SMC4: variants seen among roughly 807,000 people sequenced by gnomAD.
The protein encoded by SMC4 is structural maintenance of chromosomes 4, also known as structural maintenance of chromosomes protein 4.
A neutral mutation model predicts 145.6 loss-of-function variants in SMC4; 87 were observed. The ratio of observed to expected loss-of-function variants is 0.60; its 90% CI spans 0.50 to 0.71. SMC4 has a LOEUF of 0.71. SMC4 is among the 30% of genes least tolerant of loss of function. The probability of loss-of-function intolerance (pLI) is 0.00; values close to 1 mark genes in which losing one functional copy is unlikely to be tolerated. For missense variants in SMC4, 1,447 were observed against 1,537.1 expected, an observed-to-expected ratio of 0.94 and a Z score of 0.98; for synonymous variants, 558 against 500.7, an observed-to-expected ratio of 1.11 and a Z score of -1.53.
At chr3:160,433,367 T>C (rs1484087444) in intron 23 of SMC4, 158 bp downstream of exon 23, 4 of 562,654 alleles carry the variant, frequency 7.1e-6, no homozygotes, top group Non-Finnish European at 1.2e-5. Flanking sequence ...AATTATTTTT[T>C]ATTTGAACCA....
At position 160,409,324 on chromosome 3, in the gene SMC4, C is replaced by G. The variant is rs1311645658; in HGVS notation, c.688-2596C>G. ...ATGTTATACAGGAGTTGAGATGTAA[C>G]TATTTTGCTTTGTAAATATCCTGCC... On this transcript the variant is annotated intron_variant, in intron 5 of 23. Coordinates refer to ENST00000357388, the MANE Select transcript of SMC4 (RefSeq NM_001002800.3). Among the ~76,000 whole-genome samples the G allele has an allele frequency of 7.2e-5, 9 of 124,898 alleles. No homozygotes were observed. The East Asian group carries it at 2.4e-3, about 33-fold the overall frequency. The allele number at this position is 124,898 out of a possible 152,430, so 81.9% of individuals were successfully genotyped here.
At chr3:160,416,097 C>T (rs1042415232) in intron 9 of SMC4, among the ~76,000 whole-genome samples, 154 bp from the exon 10 acceptor site, 5 of 151,930 alleles carry the variant, frequency 3.3e-5, no homozygotes, top group African/African-American at 9.7e-5. Flanking sequence ...AGTGAATAGT[C>T]GGGAAAATAC....
chr3:160,433,406 TA>T (rs1718633255), intron 23 of SMC4, 197 bp downstream of exon 23: 1 of 545,154 alleles, frequency 1.8e-6, no homozygotes, highest in Non-Finnish European at 3.2e-6. Flanking sequence ...GAGTAAAATA[TA>T]AATTAAAAAT....
intron 13 of SMC4, among the ~76,000 whole-genome samples, chr3:160,423,086 C>T (rs1717355258): frequency 6.6e-6 from 1 of 152,056 alleles, no homozygotes; most frequent in Non-Finnish European, 1.5e-5. Context: ...TGTTCTTTAT[C>T]ATATTGACTG....
In SMC4 at chr3:160,401,956, A is replaced by G. The variant is rs746063995; in HGVS notation, c.181A>G (p.Ile61Val). The change falls in exon 3 of 24, where the codon ATT (isoleucine) becomes GTT (valine). Residue 61 changes from isoleucine to valine, a missense_variant. Ile to Val is a conservative substitution (Grantham distance 29). Coordinates refer to ENST00000357388, the MANE Select transcript of SMC4 (RefSeq NM_001002800.3). ...EELDNRSLEE[I>V]LNSIPPPPPP... ...ACTTGATAATAGAAGTTTAGAAGAG[A>G]TTTTGAACAGCATTCCTCCTCCCCC... The G allele has an allele frequency of 1.2e-6, 2 of 1,606,884 alleles. No homozygotes were observed. The highest frequency in any genetic ancestry group is 1.7e-6 in the Non-Finnish European group (2 of 1,177,020).
intron 17 of SMC4, among the ~76,000 whole-genome samples, chr3:160,426,401 C>T (rs932210906): frequency 2.6e-5 from 4 of 152,178 alleles, no homozygotes; most frequent in African/African-American, 9.7e-5. Context: ...CCTAAGGTCA[C>T]ACAGCACGTG....
intron 17 of SMC4, among the ~76,000 whole-genome samples, chr3:160,427,415 C>G (rs2108497912): frequency 6.6e-6 from 1 of 152,328 alleles, no homozygotes; most frequent in South Asian, 2.1e-4. Flanking sequence ...AACCCAGATT[C>G]TCTGAGGCCT....
At chr3:160,417,999 A>G (rs749369897) in intron 11 of SMC4, 43 bp downstream of exon 11, 2 of 1,495,512 alleles carry the variant, frequency 1.3e-6, no homozygotes, top group Admixed American at 1.9e-5. Flanking sequence ...TCATTCGTCC[A>G]CTTCAGCTTT....
intron 18 of SMC4, among the ~76,000 whole-genome samples, chr3:160,429,958 C>T (rs538285372): frequency 2.2e-4 from 33 of 150,936 alleles, no homozygotes; most frequent in African/African-American, 8.0e-4. Flanking sequence ...GTCATGGTCC[C>T]CCTGCCTCAG....
chr3:160,412,833 C>T (rs17236424), intron 7 of SMC4: 25,353 of 982,900 alleles, frequency 0.026, 392 homozygotes, highest in Non-Finnish European at 0.029. Context: ...TTTTAGTATC[C>T]TGCTTTAAGT....
intron 11 of SMC4, among the ~76,000 whole-genome samples, chr3:160,418,400 G>A (rs1438255627): frequency 1.3e-5 from 2 of 152,058 alleles, no homozygotes; most frequent in Non-Finnish European, 2.9e-5. Flanking sequence ...ATAGCTTATC[G>A]GTGCCTGTCC....
At chr3:160,401,653 A>G (rs1178917401) in intron 2 of SMC4, among the ~76,000 whole-genome samples, 1 of 152,182 alleles carries the variant, frequency 6.6e-6, no homozygotes, top group Non-Finnish European at 1.5e-5. Context: ...TAAGAGGTAT[A>G]GGTGTATAGA....
chr3:160,418,306 C>T (rs534736145), intron 11 of SMC4, among the ~76,000 whole-genome samples: 9 of 152,138 alleles, frequency 5.9e-5, no homozygotes, highest in Non-Finnish European at 1.3e-4. Flanking sequence ...ATACAAACAA[C>T]TATCTTAATG....
chr3:160,407,990 G>A (rs1715532556), intron 5 of SMC4, among the ~76,000 whole-genome samples: 1 of 151,944 alleles, frequency 6.6e-6, no homozygotes, highest in African/African-American at 2.4e-5. Context: ...AAAATGTATT[G>A]GAGGAAGATA....
In SMC4 at chr3:160,423,629, G is replaced by C; in HGVS notation, c.2224G>C (p.Gly742Arg). Reference protein sequence around the residue: ...DRRWRVVTLQGQIIEQSGTMT... With the variant: ...DRRWRVVTLQRQIIEQSGTMT... ...AAGATGGAGAGTGGTAACTTTACAG[G>C]GACAAATCATAGAACAGTCAGGTAA... Residue 742 changes from glycine to arginine, a missense_variant, in exon 14 of 24, where the codon GGA (glycine) becomes CGA (arginine). Gly to Arg is a moderately radical substitution (Grantham distance 125). Coordinates refer to ENST00000357388, the MANE Select transcript of SMC4 (RefSeq NM_001002800.3). 6.2e-7 allele frequency: 1 copy of C among 1,612,324 alleles called. No homozygotes were observed. Among genetic ancestry groups the C allele is most frequent in the Non-Finnish European group, 8.5e-7 (1 of 1,178,930 alleles).
chr3:160,415,581 G>T (rs1308573310), intron 9 of SMC4, among the ~76,000 whole-genome samples: 2 of 152,246 alleles, frequency 1.3e-5, no homozygotes, highest in African/African-American at 2.4e-5. Flanking sequence ...GCTTAGCACA[G>T]CTGATAAATA....
At chr3:160,432,871 T>G in intron 22 of SMC4, 155 bp from the exon 23 acceptor site, 1 of 616,884 alleles carries the variant, frequency 1.6e-6, no homozygotes. Flanking sequence ...TCCAATAACG[T>G]TTTTATAAAA....
At chr3:160,421,347 A>G (rs902950071) in intron 13 of SMC4, among the ~76,000 whole-genome samples, 2 of 152,218 alleles carry the variant, frequency 1.3e-5, no homozygotes, top group African/African-American at 4.8e-5. Flanking sequence ...CTGGGGTTAT[A>G]TGATTATAAA....
At chr3:160,406,488 A>G (rs1429636657) in intron 5 of SMC4, among the ~76,000 whole-genome samples, 1 of 152,112 alleles carries the variant, frequency 6.6e-6, no homozygotes, top group African/African-American at 2.4e-5. Flanking sequence ...GATTTTTATT[A>G]CCTTCTCTCC....
Sources: gnomAD v4.1 joint callset for allele counts (sites outside exome capture counted in the v4.1 genomes callset) on GRCh38, gnomAD v4.1.1 for gene constraint, MANE v1.5 for transcripts, NCBI Gene and HGNC (gene_info 2026-07-23, HGNC 2026-07-21) for gene names.